Variants in MLPH observed in about 807,000 individuals in gnomAD.
MLPH encodes the protein melanophilin.
MLPH carries 51 observed loss-of-function variants against 72.1 expected under a neutral mutation model. That is an observed-to-expected ratio of 0.71 (90% CI 0.56 to 0.89). The LOEUF is 0.89. Among genes scored for constraint, MLPH ranks in the 40% least tolerant of loss-of-function variants. The pLI is 0.00. For synonymous variants in MLPH, 301 were observed against 310.1 expected (o/e 0.97, Z 0.31); for missense variants, 743 against 759.9 (o/e 0.98, Z 0.26).
Position 237,519,862 on chromosome 2 carries a change from C to G in MLPH, c.556-48C>G, listed in dbSNP as rs1050201885. ...AGGTGCAGGGTATTTGGTCCTCTCC[C>G]TCAAGCTAGCCCTGACTTGAGTCTT... On this transcript the variant is annotated intron_variant, in intron 5 of 15. Coordinates refer to ENST00000264605, the MANE Select transcript of MLPH (RefSeq NM_024101.7). 6.2e-6 allele frequency: 10 copies of G among 1,613,542 alleles called. No individual in the cohort carries two copies. In the Admixed American group the frequency reaches 1.0e-4, roughly 16 times the overall value.
At chr2:237,511,961 G>A (rs1463641684) in intron 4 of MLPH, among the ~76,000 whole-genome samples, 1 of 152,198 alleles carries the variant, frequency 6.6e-6, no homozygotes, top group Admixed American at 6.5e-5. Flanking sequence ...CCTGTTACCT[G>A]GAGTCCAAGG....
chr2:237,507,062 C>CTTTTTTTTTTTTTTTTTTTTTTT (rs61091364), intron 2 of MLPH, among the ~76,000 whole-genome samples: 2 of 94,544 alleles, frequency 2.1e-5, no homozygotes, highest in Non-Finnish European at 2.0e-5. Flanking sequence ...TTTTTTTTTT[C>CTTTTTTTTTTTTTTTTTTTTTTT]TTTTTTTTTT....
At chr2:237,499,545 C>T (rs752909893) in intron 2 of MLPH, among the ~76,000 whole-genome samples, 42 of 152,062 alleles carry the variant, frequency 2.8e-4, no homozygotes, top group Non-Finnish European at 5.9e-4. Context: ...ACAAGGGTTA[C>T]AGGAGAGAAG....
intron 5 of MLPH, 99 bp from the exon 6 acceptor site, chr2:237,519,810 CT>C: frequency 1.3e-6 from 2 of 1,575,490 alleles, no homozygotes; most frequent in Non-Finnish European, 1.7e-6. Flanking sequence ...TGCCCCGCCC[CT>C]CTGGGGGCTG....
At chr2:237,532,132 G>T (rs1166438501) in intron 8 of MLPH, among the ~76,000 whole-genome samples, 2 of 152,188 alleles carry the variant, frequency 1.3e-5, no homozygotes, top group African/African-American at 4.8e-5. Flanking sequence ...GACTCTTAGA[G>T]GGGCCTTTGT....
Position 237,541,514 on chromosome 2 carries a change from C to T in MLPH, c.1446+557C>T, listed in dbSNP as rs920851747. On this transcript the variant is annotated intron_variant, in intron 11 of 15. Transcript: ENST00000264605. The surrounding 1 kb of genome is among the most constrained non-coding windows in gnomAD (Gnocchi z 5.1). ...GGTGCCTCTCGGACTGTGAGGACAG[C>T]CAGCCCCCACGGCCCTCCTCCACTT... 6.6e-6 allele frequency among the ~76,000 whole-genome samples: 1 copy of T among 152,208 alleles called. No homozygotes were observed. The highest frequency in any genetic ancestry group is 1.5e-5 in the Non-Finnish European group (1 of 68,038).
Position 237,529,779 on chromosome 2 carries a change from C to A in MLPH, c.1020+2263C>A, listed in dbSNP as rs539812705. On this transcript the variant is annotated intron_variant, in intron 8 of 15. Coordinates refer to ENST00000264605, the MANE Select transcript of MLPH (RefSeq NM_024101.7). ...CAGTTTCACCAAGGCTGGTCTCAGGCACATCTTCTGGAGCCTGGATGAATG... is the reference window on the plus strand; with the variant it reads ...CAGTTTCACCAAGGCTGGTCTCAGGAACATCTTCTGGAGCCTGGATGAATG... Among the ~76,000 whole-genome samples, 4 of 152,328 alleles carry A rather than the reference C, an allele frequency of 2.6e-5. No homozygotes were observed. In the South Asian group the frequency reaches 8.3e-4, roughly 32 times the overall value.
chr2:237,493,560 C>T lies in MLPH; in HGVS notation c.110+24C>T, dbSNP rs200432957. On this transcript the variant is annotated intron_variant, in intron 2 of 15. Transcript: ENST00000264605. ...GAGTGAGTGTGCCGTGCTGAGCCCA[C>T]GGAGCCCGGGGTCCCTGATCTTCCC... 4.1e-5 allele frequency: 65 copies of T among 1,587,678 alleles called. 1 individual carries two copies. The African/African-American group carries it at 5.9e-4, about 14-fold the overall frequency.
chr2:237,550,895 T>A (rs978014582), intron 14 of MLPH, among the ~76,000 whole-genome samples: 6 of 152,272 alleles, frequency 3.9e-5, no homozygotes, highest in Admixed American at 3.3e-4. Flanking sequence ...ATTCCTTGTG[T>A]CCTCTGTATG....
intron 9 of MLPH, among the ~76,000 whole-genome samples, chr2:237,538,549 G>A (rs1025860289): frequency 1.3e-5 from 2 of 152,212 alleles, no homozygotes; most frequent in Non-Finnish European, 2.9e-5. Flanking sequence ...GTCGCTGTCC[G>A]ACGTGTCACT....
At chr2:237,527,972 A>G (rs1222606651) in intron 8 of MLPH, among the ~76,000 whole-genome samples, 2 of 152,260 alleles carry the variant, frequency 1.3e-5, no homozygotes, top group Non-Finnish European at 2.9e-5. Context: ...ACGCTGACAC[A>G]TGCTAGACCA....
At chr2:237,506,027 A>T (rs2079763005) in intron 2 of MLPH, among the ~76,000 whole-genome samples, 1 of 152,178 alleles carries the variant, frequency 6.6e-6, no homozygotes, top group Non-Finnish European at 1.5e-5. Flanking sequence ...CCCATCGCTT[A>T]GTCCCTTTTC....
chr2:237,533,390 C>CTTTTTTTTTTT (rs746139615), intron 8 of MLPH, among the ~76,000 whole-genome samples: 36 of 108,006 alleles, frequency 3.3e-4, no homozygotes, highest in African/African-American at 4.9e-4. Flanking sequence ...ATTTTCTTTT[C>CTTTTTTTTTTT]TTTTTTTTTT....
rs397689972 is a variant in MLPH, at chr2:237,519,087, GT to G, written c.555+448del. On this transcript the variant is annotated intron_variant, in intron 5 of 15. Coordinates refer to ENST00000264605, the MANE Select transcript of MLPH (RefSeq NM_024101.7). ...TTCTGGGTTTTGTTTTGTTTTGTTT[GT>G]TTTTTTTTGCCAACCATGAGCCTTG... Among the ~76,000 whole-genome samples, 15 of 148,370 alleles carry G rather than the reference GT, an allele frequency of 1.0e-4. No individual in the cohort carries two copies. The South Asian group carries it at 1.7e-3, about 17-fold the overall frequency.
At chr2:237,527,213 G>C in intron 7 of MLPH, 164 bp from the exon 8 acceptor site, 6 of 819,882 alleles carry the variant, frequency 7.3e-6, no homozygotes, top group Non-Finnish European at 1.0e-5. Context: ...TGTGGCTGTG[G>C]AATCTGCCCC....
chr2:237,549,331 G>A (rs894176823), intron 14 of MLPH, 53 bp downstream of exon 14: 27 of 1,469,834 alleles, frequency 1.8e-5, no homozygotes, highest in Non-Finnish European at 2.4e-5. Context: ...GAGCTTCGGG[G>A]AGGAAAATGA....
At chr2:237,506,635 G>A (rs1383458948) in intron 2 of MLPH, among the ~76,000 whole-genome samples, 2 of 152,216 alleles carry the variant, frequency 1.3e-5, no homozygotes. Flanking sequence ...TTTTCACAAT[G>A]CTTTTCCGTG....
chr2:237,526,020 C>T lies in MLPH; in HGVS notation c.880+215C>T, dbSNP rs1469945917. ...GTGCGCTTCCCTGTAACTGTCAGAA[C>T]TTCCAGCACAGGAGGTGGCCAGCCC... On this transcript the variant is annotated intron_variant, in intron 7 of 15. Coordinates refer to ENST00000264605, the MANE Select transcript of MLPH (RefSeq NM_024101.7). Among the ~76,000 whole-genome samples the T allele has an allele frequency of 3.9e-5, 6 of 152,252 alleles. No homozygotes were observed. In the East Asian group the frequency reaches 7.7e-4, roughly 20 times the overall value.
intron 14 of MLPH, 86 bp from the exon 15 acceptor site, chr2:237,552,251 T>C: frequency 9.0e-7 from 1 of 1,105,408 alleles, no homozygotes; most frequent in Non-Finnish European, 1.4e-6. Context: ...TTTTCTACCT[T>C]TTAAATTTCT....
Sources: gnomAD v4.1 joint callset for allele counts (sites outside exome capture counted in the v4.1 genomes callset) on GRCh38, gnomAD v4.1.1 for gene constraint, Gnocchi (gnomAD v3.1) non-coding constraint, MANE v1.5 for transcripts, NCBI Gene and HGNC (gene_info 2026-07-23, HGNC 2026-07-21) for gene names.